ANO3: variants seen among roughly 807,000 people sequenced by gnomAD.
The protein encoded by ANO3 is anoctamin-3.
A neutral mutation model predicts 144.8 loss-of-function variants in ANO3; 99 were observed. The ratio of observed to expected loss-of-function variants is 0.68; its 90% CI spans 0.58 to 0.81. The LOEUF (loss-of-function observed/expected upper bound fraction) is 0.81. Ranked by LOEUF, ANO3 falls within the 30% of genes least tolerant of loss-of-function variation. The probability of loss-of-function intolerance (pLI) is 0.00; values close to 1 mark genes in which losing one functional copy is unlikely to be tolerated. For synonymous variants in ANO3, 414 were observed against 392.6 expected (o/e 1.05, Z -0.64); for missense variants, 905 against 1,202.2 (o/e 0.75, Z 3.66).
intron 14 of ANO3, among the ~76,000 whole-genome samples, chr11:26,574,763 G>C (rs1298478333): frequency 6.6e-6 from 1 of 151,984 alleles, no homozygotes; most frequent in Non-Finnish European, 1.5e-5. Flanking sequence ...AAGTAATATG[G>C]TGCTATAATA....
chr11:26,255,293 G>A (rs1751797004), intron 1 of ANO3, among the ~76,000 whole-genome samples: 1 of 152,074 alleles, frequency 6.6e-6, no homozygotes, highest in Non-Finnish European at 1.5e-5. Flanking sequence ...CTAGTGTTGT[G>A]CGATTGGAAG....
At position 26,312,524 on chromosome 11, in the gene ANO3, A is replaced by G. The variant is rs1187583030; in HGVS notation, c.-3+2805A>G. 4.6e-5 allele frequency among the ~76,000 whole-genome samples: 7 copies of G among 152,268 alleles called. No homozygotes were observed. The East Asian group carries it at 7.7e-4, about 17-fold the overall frequency. ...AGCACCTGTTGTTTCTTGACTTTTT[A>G]ATGATCACCATTCTAACTGGTGTGA... On this transcript the variant is annotated intron_variant, in intron 1 of 26. Transcript: ENST00000525139.
chr11:26,236,383 T>G (rs1025044344), intron 1 of ANO3, among the ~76,000 whole-genome samples: 3 of 152,024 alleles, frequency 2.0e-5, no homozygotes, highest in African/African-American at 7.2e-5. Context: ...ATACTATACT[T>G]CAAGCAATCT....
chr11:26,621,975 C>A (rs950461011), intron 17 of ANO3, among the ~76,000 whole-genome samples: 1 of 152,124 alleles, frequency 6.6e-6, no homozygotes, highest in Non-Finnish European at 1.5e-5. Context: ...TACACACTCA[C>A]AGCTTGTATG....
intron 7 of ANO3, among the ~76,000 whole-genome samples, chr11:26,529,795 G>T (rs2134180203): frequency 6.6e-6 from 1 of 151,916 alleles, no homozygotes; most frequent in Non-Finnish European, 1.5e-5. Context: ...GCTTTCTTCT[G>T]TTTCTATTTT....
At chr11:26,365,888 C>G (rs775874783) in intron 1 of ANO3, among the ~76,000 whole-genome samples, 1 of 151,412 alleles carries the variant, frequency 6.6e-6, no homozygotes, top group Non-Finnish European at 1.5e-5. Context: ...TTTAATTATA[C>G]AAATATCTCT....
At chr11:26,207,730 G>GGTTCATAAAATGTAGAATTCA (rs555232834) in intron 1 of ANO3, among the ~76,000 whole-genome samples, 1 of 151,706 alleles carries the variant, frequency 6.6e-6, no homozygotes, top group Non-Finnish European at 1.5e-5. Context: ...CTAGATTACA[G>GGTTCATAAAATGTAGAATTCA]TAAAACTGAC....
intron 1 of ANO3, among the ~76,000 whole-genome samples, chr11:26,315,368 G>A (rs895554198): frequency 6.6e-5 from 10 of 152,154 alleles, no homozygotes; most frequent in Admixed American, 2.6e-4. Flanking sequence ...AGTCTCTGCT[G>A]CAAGTTGCTG....
At chr11:26,473,011 C>G (rs1859837486) in intron 4 of ANO3, among the ~76,000 whole-genome samples, 1 of 151,944 alleles carries the variant, frequency 6.6e-6, no homozygotes, top group South Asian at 2.1e-4. Context: ...ATGAGGGTTT[C>G]AGTCACGGAA....
intron 6 of ANO3, among the ~76,000 whole-genome samples, chr11:26,518,655 T>C (rs1304396336): frequency 6.6e-6 from 1 of 152,028 alleles, no homozygotes; most frequent in African/African-American, 2.4e-5. Context: ...TTTAATATGT[T>C]ATTAGCGGAT....
chr11:26,486,293 G>A (rs1003055636), intron 4 of ANO3, among the ~76,000 whole-genome samples: 3 of 149,154 alleles, frequency 2.0e-5, no homozygotes, highest in Admixed American at 6.9e-5. Context: ...CCTGGGAGGC[G>A]GAGGTTGCAG....
At chr11:26,402,515 ATACTGGATGT>A in intron 1 of ANO3, among the ~76,000 whole-genome samples, 1 of 152,064 alleles carries the variant, frequency 6.6e-6, no homozygotes, top group East Asian at 1.9e-4. Context: ...TTCCTTATAG[ATACTGGATGT>A]TAGACTTTTG....
intron 1 of ANO3, among the ~76,000 whole-genome samples, chr11:26,243,593 C>A (rs998730217): frequency 6.6e-6 from 1 of 152,114 alleles, no homozygotes; most frequent in South Asian, 2.1e-4. Context: ...GAAAGTTCCC[C>A]ATTATGATTT....
intron 18 of ANO3, among the ~76,000 whole-genome samples, chr11:26,630,515 C>G (rs926857737): frequency 9.9e-5 from 15 of 152,188 alleles, no homozygotes; most frequent in Admixed American, 9.2e-4. Context: ...TCCAAACTAT[C>G]CAAACACTTT....
chr11:26,433,470 C>G (rs1858190183), intron 1 of ANO3, among the ~76,000 whole-genome samples: 1 of 152,060 alleles, frequency 6.6e-6, no homozygotes, highest in South Asian at 2.1e-4. Flanking sequence ...TTGCCTTGTG[C>G]TTGTTTTCAA....
chr11:26,630,278 T>C (rs1852733643), intron 18 of ANO3, among the ~76,000 whole-genome samples: 1 of 152,250 alleles, frequency 6.6e-6, no homozygotes, highest in African/African-American at 2.4e-5. Context: ...AAAACTTTAA[T>C]TTTCTTGACA....
chr11:26,422,745 GAA>G (rs1281006273), intron 1 of ANO3, among the ~76,000 whole-genome samples: 2 of 151,872 alleles, frequency 1.3e-5, no homozygotes, highest in African/African-American at 4.8e-5. Flanking sequence ...AACAGAGAAG[GAA>G]AAAAACTGAA....
intron 1 of ANO3, among the ~76,000 whole-genome samples, chr11:26,390,332 C>T (rs1242257966): frequency 1.3e-5 from 2 of 151,970 alleles, no homozygotes; most frequent in African/African-American, 4.8e-5. Flanking sequence ...GAAAATTGTT[C>T]CTGGTTTACT....
intron 1 of ANO3, among the ~76,000 whole-genome samples, chr11:26,211,659 C>A (rs1205918022): frequency 1.3e-5 from 2 of 152,130 alleles, no homozygotes; most frequent in Non-Finnish European, 2.9e-5. Context: ...TTGGCAATTT[C>A]TCAAGGATCT....
Sources: gnomAD v4.1 joint callset for allele counts (sites outside exome capture counted in the v4.1 genomes callset) on GRCh38, gnomAD v4.1.1 for gene constraint, MANE v1.5 for transcripts, NCBI Gene and HGNC (gene_info 2026-07-23, HGNC 2026-07-21) for gene names.